The following ALDH7A1 variants were observed in gnomAD, a reference collection of about 807,000 sequenced individuals.
ALDH7A1 encodes the protein alpha-aminoadipic semialdehyde dehydrogenase.
In ALDH7A1, 63 loss-of-function variants were observed where a neutral mutation model predicts 79.9. The observed-to-expected ratio is 0.79, with a 90% confidence interval of 0.64 to 0.97. The LOEUF (loss-of-function observed/expected upper bound fraction) is 0.97. ALDH7A1 is among the 50% of genes least tolerant of loss of function. ALDH7A1 has a pLI of 0.00. For synonymous variants in ALDH7A1, 240 were observed against 231.2 expected, an observed-to-expected ratio of 1.04 and a Z score of -0.34; for missense variants, 627 against 665.2, an observed-to-expected ratio of 0.94 and a Z score of 0.63.
chr5:126,545,471 C>G lies in ALDH7A1; in HGVS notation c.1566-452G>C, dbSNP rs1179484243. ...AGAGACGGGGTTTCACCATGTTGGC[C>G]AGGCTGGTCTTGAACTCCTGACCTC... On this transcript the variant is annotated intron_variant, in intron 17 of 17. Transcript: ENST00000409134. Among the ~76,000 whole-genome samples, 7 of 146,936 alleles carry G rather than the reference C, an allele frequency of 4.8e-5. No individual in the cohort carries two copies. The East Asian group carries it at 1.5e-3, about 32-fold the overall frequency.
In ALDH7A1 at chr5:126,568,325, G is replaced by A; in HGVS notation, c.805C>T (p.Leu269=). Residue 269 remains leucine (L), a synonymous_variant, in exon 9 of 18, where the codon CTG becomes TTG. Coordinates refer to ENST00000409134, the MANE Select transcript of ALDH7A1 (RefSeq NM_001182.5). ...TGAGTGCTCCCAGTGAAGGACAGCA[G>A]GTTCACTCGTTCATCTTTGGCCATT... is the stretch of plus-strand genomic sequence containing the variant. ...TAMAKDERVN[L]LSFTGSTQVG... 6.2e-7 allele frequency: 1 copy of A among 1,614,116 alleles called. No homozygotes were observed. Among genetic ancestry groups the A allele is most frequent in the South Asian group, 1.1e-5 (1 of 91,072 alleles).
At chr5:126,548,733 A>T (rs1017283682) in intron 16 of ALDH7A1, among the ~76,000 whole-genome samples, 36 of 151,780 alleles carry the variant, frequency 2.4e-4, no homozygotes, top group African/African-American at 8.5e-4. Context: ...GGGCACCAAA[A>T]CTTTAAAAAT....
chr5:126,550,542 A>C (rs752449347), intron 14 of ALDH7A1, among the ~76,000 whole-genome samples: 1 of 146,568 alleles, frequency 6.8e-6, no homozygotes, highest in African/African-American at 2.4e-5. Flanking sequence ...AAGCTACTAC[A>C]TATAATAGCT....
At chr5:126,590,371 T>C (rs796401517) in intron 3 of ALDH7A1, among the ~76,000 whole-genome samples, 2 of 152,370 alleles carry the variant, frequency 1.3e-5, no homozygotes, top group African/African-American at 4.8e-5. Flanking sequence ...TACTTTTTAA[T>C]TAAAAGTTTT....
At chr5:126,562,047 G>C (rs1474026606) in intron 9 of ALDH7A1, 1 of 152,040 alleles carries the variant, frequency 6.6e-6, no homozygotes, top group African/African-American at 2.4e-5. Context: ...AACATAGTAA[G>C]GCAGGGACTC....
chr5:126,593,308 AACACACAC>A (rs142510783), intron 2 of ALDH7A1, 35 bp downstream of exon 2: 483 of 1,546,790 alleles, frequency 3.1e-4, no homozygotes, highest in African/African-American at 9.7e-4. Flanking sequence ...ATTTGAATTA[AACACACAC>A]ACACACACAC....
intron 1 of ALDH7A1, among the ~76,000 whole-genome samples, chr5:126,594,699 G>A (rs1042032417): frequency 4.6e-5 from 7 of 151,988 alleles, no homozygotes; most frequent in African/African-American, 1.7e-4. Flanking sequence ...GCCCGCCTAG[G>A]CCTCCCAAAG....
rs777738537 is a variant in ALDH7A1, at chr5:126,593,542, G to T, written c.193-138C>A. On this transcript the variant is annotated intron_variant, in intron 1 of 17. Transcript: ENST00000409134. ...ACTCAAAAAGCTTAGGTTAACTTCTGTTACATATAAACCACTCTACAGAGG... is the reference window on the plus strand; with the variant it reads ...ACTCAAAAAGCTTAGGTTAACTTCTTTTACATATAAACCACTCTACAGAGG... The T allele has an allele frequency of 1.6e-3, 1,965 of 1,235,602 alleles. 6 individuals carry two copies. The highest frequency in any genetic ancestry group is 2.1e-3 in the Non-Finnish European group (1,827 of 864,784). 76.5% of individuals were successfully genotyped at this position (1,235,602 alleles called of 1,614,324 possible).
At chr5:126,593,988 T>A (rs535997137) in intron 1 of ALDH7A1, 2 of 287,540 alleles carry the variant, frequency 7.0e-6, no homozygotes, top group South Asian at 6.4e-5. Context: ...ACGTGTTCCC[T>A]CTACCAAGGC....
chr5:126,554,862 T>G, intron 12 of ALDH7A1: 1 of 261,656 alleles, frequency 3.8e-6, no homozygotes, highest in Non-Finnish European at 7.4e-6. Context: ...TGCTGTCCTA[T>G]GTTACGGCTG....
chr5:126,586,141 G>A (rs1216241025), intron 3 of ALDH7A1: 2 of 152,224 alleles, frequency 1.3e-5, no homozygotes, highest in East Asian at 3.9e-4. Flanking sequence ...TGTTCACAAT[G>A]GTTTTTTGTG....
Position 126,568,296 on chromosome 5 carries a change from C to T in ALDH7A1, c.834G>A (p.Val278=), listed in dbSNP as rs201948406. The T allele has an allele frequency of 1.8e-4, 297 of 1,614,056 alleles. No homozygotes were observed. Among genetic ancestry groups the T allele is most frequent in the Non-Finnish European group, 2.5e-4 (293 of 1,180,020 alleles). Residue 278 remains valine (V), a synonymous_variant, in exon 9 of 18, where the codon GTG becomes GTA. Transcript: ENST00000409134. ...GCACCATCAGGCCCACCTGTTTTCCCACCTGAGTGCTCCCAGTGAAGGACA... is the reference window on the plus strand; with the variant it reads ...GCACCATCAGGCCCACCTGTTTTCCTACCTGAGTGCTCCCAGTGAAGGACA... ...NLLSFTGSTQ[V]GKQVGLMVQE...
rs770365132 is a variant in ALDH7A1, at chr5:126,570,901, A to AT, written c.696-43dup. 3.2e-5 allele frequency: 51 copies of AT among 1,591,682 alleles called. No individual in the cohort carries two copies. The South Asian group carries it at 4.0e-4, about 12-fold the overall frequency. ...AATTACTGAGGCAATAATTTAAGGC[A>AT]TTTTTTTAAAAACAAGGAATAAATT... On this transcript the variant is annotated intron_variant, in intron 7 of 17. Coordinates refer to ENST00000409134, the MANE Select transcript of ALDH7A1 (RefSeq NM_001182.5).
At chr5:126,549,772 G>A (rs994112051) in intron 16 of ALDH7A1, 157 bp downstream of exon 16, 1 of 773,324 alleles carries the variant, frequency 1.3e-6, no homozygotes, top group Non-Finnish European at 2.3e-6. Context: ...CGATAACTTT[G>A]AATACAGAAT....
chr5:126,581,281 T>C (rs1444021325), intron 5 of ALDH7A1: 7 of 152,154 alleles, frequency 4.6e-5, no homozygotes, highest in Admixed American at 4.6e-4. Context: ...TTATAGTCTC[T>C]TTATAACAAA....
At chr5:126,567,912 T>C (rs1270524522) in intron 9 of ALDH7A1, 1 of 315,976 alleles carries the variant, frequency 3.2e-6, no homozygotes, top group Non-Finnish European at 6.2e-6. Flanking sequence ...GCCTCCCGAG[T>C]AGCTGGGACT....
At chr5:126,566,640 T>C (rs1581377013) in intron 9 of ALDH7A1, among the ~76,000 whole-genome samples, 2 of 152,280 alleles carry the variant, frequency 1.3e-5, no homozygotes, top group Middle Eastern at 6.8e-3. Flanking sequence ...CAGTACAGTA[T>C]ACAAAGCTAT....
Position 126,545,011 on chromosome 5 carries a change from T to A in ALDH7A1, c.1574A>T (p.Asn525Ile), listed in dbSNP as rs754312564. The change falls in exon 18 of 18, where the codon AAC (asparagine) becomes ATC (isoleucine). Residue 525 changes from asparagine to isoleucine, a missense_variant. By Grantham distance (149) the Asn-to-Ile change is moderately radical (BLOSUM62 -3). Coordinates refer to ENST00000409134, the MANE Select transcript of ALDH7A1 (RefSeq NM_001182.5). ...QYMRRSTCTI[N>I]YSKDLPLAQG... Reference sequence around the variant, plus strand: ...GGCCAGAGGAAGGTCTTTACTGTAGTTGATAGTACTAGTGGGAAAAAATAA... The same window carrying A: ...GGCCAGAGGAAGGTCTTTACTGTAGATGATAGTACTAGTGGGAAAAAATAA... 2 of 1,608,188 alleles carry A rather than the reference T, an allele frequency of 1.2e-6. No individual in the cohort carries two copies. Among genetic ancestry groups the A allele is most frequent in the Admixed American group, 3.3e-5 (2 of 60,000 alleles).
chr5:126,559,823 G>T (rs990596574), intron 10 of ALDH7A1, among the ~76,000 whole-genome samples: 4 of 151,988 alleles, frequency 2.6e-5, no homozygotes, highest in African/African-American at 9.7e-5. Context: ...AGACGAGGGG[G>T]AAAGGCACAC....
Sources: allele counts gnomAD v4.1 joint callset (sites outside exome capture counted in the v4.1 genomes callset), GRCh38; gene constraint gnomAD v4.1.1; transcripts MANE v1.5; gene names NCBI Gene and HGNC (gene_info 2026-07-23, HGNC 2026-07-21).